The following BRD10 variants were observed in gnomAD, a reference collection of about 807,000 sequenced individuals.
The protein encoded by BRD10 is uncharacterized bromodomain-containing protein 10.
the BRD10 span, among the ~76,000 whole-genome samples, chr9:5,966,971 A>C: frequency 2.3e-3 from 350 of 152,332 alleles, 1 homozygote; most frequent in Middle Eastern, 6.8e-3. Context: ...CTACTTTATC[A>C]ATGATACATT....
chr9:5,964,666 A>G, the BRD10 span, among the ~76,000 whole-genome samples: 1 of 145,870 alleles, frequency 6.9e-6, no homozygotes, highest in African/African-American at 2.6e-5. Context: ...CAAATGTCCA[A>G]CAATGATAGA....
At chr9:5,985,995 A>T in the BRD10 span, among the ~76,000 whole-genome samples, 8 of 152,150 alleles carry the variant, frequency 5.3e-5, no homozygotes, top group Admixed American at 1.3e-4. Context: ...AAGGTCCAGG[A>T]TACAAGTGCA....
chr9:5,926,516 C>T, the BRD10 span, among the ~76,000 whole-genome samples: 1 of 151,956 alleles, frequency 6.6e-6, no homozygotes, highest in Non-Finnish European at 1.5e-5. Flanking sequence ...CCATATTGCC[C>T]AGGCTTTAAA....
the BRD10 span, chr9:5,921,203 A>G: frequency 1.2e-6 from 2 of 1,613,920 alleles, no homozygotes; most frequent in Admixed American, 1.7e-5. Context: ...ATTTTGTAAT[A>G]TGTTAATTGA....
the BRD10 span, among the ~76,000 whole-genome samples, chr9:5,963,952 C>G: frequency 1.3e-5 from 2 of 151,668 alleles, no homozygotes; most frequent in African/African-American, 4.8e-5. Context: ...CATAAAAACC[C>G]TAGAAGAAAA....
chr9:5,944,928 T>C, the BRD10 span: 61 of 1,543,070 alleles, frequency 4.0e-5, no homozygotes, highest in Non-Finnish European at 5.1e-5. Flanking sequence ...TTGTGATTAA[T>C]TCCCTGAGTT....
chr9:6,005,356 C>T, the BRD10 span, among the ~76,000 whole-genome samples: 14 of 151,320 alleles, frequency 9.3e-5, no homozygotes, highest in South Asian at 1.9e-3. Context: ...ACCAAAAATA[C>T]GAAGATTAGC....
At chr9:5,950,088 T>C in the BRD10 span, among the ~76,000 whole-genome samples, 43 of 152,340 alleles carry the variant, frequency 2.8e-4, no homozygotes, top group African/African-American at 1.0e-3. Context: ...ACGTAAGTTT[T>C]CACTCTCATC....
At chr9:5,955,692 G>T in the BRD10 span, among the ~76,000 whole-genome samples, 1 of 148,748 alleles carries the variant, frequency 6.7e-6, no homozygotes, top group Non-Finnish European at 1.5e-5. Flanking sequence ...AGTATTGACG[G>T]GTATCATTTG....
the BRD10 span, among the ~76,000 whole-genome samples, chr9:5,941,434 A>C: frequency 6.6e-6 from 1 of 152,210 alleles, no homozygotes; most frequent in Non-Finnish European, 1.5e-5. Context: ...GCTTTGTCAA[A>C]CTACATATTT....
the BRD10 span, among the ~76,000 whole-genome samples, chr9:5,940,418 C>T: frequency 0.052 from 7,903 of 151,742 alleles, 599 homozygotes; most frequent in African/African-American, 0.16. Context: ...TGGTCTCGAA[C>T]TCCCAACCTT....
the BRD10 span, among the ~76,000 whole-genome samples, chr9:5,974,047 A>C: frequency 2.6e-4 from 39 of 152,320 alleles, no homozygotes; most frequent in East Asian, 2.7e-3. Flanking sequence ...GGAAGCCCCC[A>C]AAAATAAATG....
At chr9:5,953,952 G>T in the BRD10 span, 1 of 881,502 alleles carries the variant, frequency 1.1e-6, no homozygotes, top group Non-Finnish European at 1.8e-6. Flanking sequence ...CCAAACTCTC[G>T]AGGAATGATA....
chr9:5,924,432 C>A, the BRD10 span, among the ~76,000 whole-genome samples: 4 of 152,096 alleles, frequency 2.6e-5, no homozygotes, highest in African/African-American at 9.7e-5. Context: ...GATGCAACCA[C>A]CATGCCTGGC....
the BRD10 span, among the ~76,000 whole-genome samples, chr9:5,886,646 C>T: frequency 6.6e-6 from 1 of 152,298 alleles, no homozygotes. Flanking sequence ...AAAAGGAAGC[C>T]ACTTGGAAGT....
At chr9:5,930,499 T>C in the BRD10 span, among the ~76,000 whole-genome samples, 1 of 151,788 alleles carries the variant, frequency 6.6e-6, no homozygotes, top group East Asian at 1.9e-4. Flanking sequence ...AGAATGTTTA[T>C]GCACATTAAC....
At chr9:5,920,411 A>G in the BRD10 span, 2 of 1,613,962 alleles carry the variant, frequency 1.2e-6, no homozygotes, top group Admixed American at 1.7e-5. Context: ...ACTCCCGACT[A>G]GACTAGTTAC....
the BRD10 span, among the ~76,000 whole-genome samples, chr9:5,935,529 A>C: frequency 6.6e-6 from 1 of 152,228 alleles, no homozygotes; most frequent in African/African-American, 2.4e-5. Context: ...CTAGAAATTA[A>C]CCACTGGTTG....
At chr9:5,889,258 A>G in the BRD10 span, among the ~76,000 whole-genome samples, 4 of 152,126 alleles carry the variant, frequency 2.6e-5, no homozygotes, top group South Asian at 8.3e-4. Context: ...TGGGCTACGA[A>G]CTTTTGCCTC....
Sources: gnomAD v4.1 joint callset for allele counts (sites outside exome capture counted in the v4.1 genomes callset) on GRCh38, gnomAD v4.1.1 for gene constraint, MANE v1.5 for transcripts, NCBI Gene and HGNC (gene_info 2026-07-23, HGNC 2026-07-21) for gene names.